The following DSCAM variants were observed in gnomAD, a reference collection of about 807,000 sequenced individuals.
DSCAM encodes DS cell adhesion molecule.
A neutral mutation model predicts 217.7 loss-of-function variants in DSCAM; 47 were observed. The ratio of observed to expected loss-of-function variants is 0.22; its 90% CI spans 0.17 to 0.28. The LOEUF (loss-of-function observed/expected upper bound fraction) is 0.28. Ranked by LOEUF, DSCAM falls within the 10% of genes least tolerant of loss-of-function variation. The probability of loss-of-function intolerance (pLI) is 1.00; values close to 1 mark genes in which losing one functional copy is unlikely to be tolerated. For missense variants in DSCAM, 2,080 were observed against 2,618.3 expected, an observed-to-expected ratio of 0.79 and a Z score of 4.49; for synonymous variants, 1,056 against 1,015.3, an observed-to-expected ratio of 1.04 and a Z score of -0.76.
intron 27 of DSCAM, among the ~76,000 whole-genome samples, chr21:40,071,051 C>T (rs1391850551): frequency 4.6e-5 from 7 of 152,216 alleles, no homozygotes; most frequent in Non-Finnish European, 8.8e-5. Context: ...CCAACAGAAG[C>T]TTGTGCCTTC....
intron 11 of DSCAM, among the ~76,000 whole-genome samples, chr21:40,269,001 T>C (rs2073578598): frequency 1.3e-5 from 2 of 152,116 alleles, no homozygotes; most frequent in Admixed American, 1.3e-4. Context: ...CAAATCCCTA[T>C]AGCTTCTCAA....
intron 1 of DSCAM, among the ~76,000 whole-genome samples, chr21:40,752,952 G>C (rs1310925714): frequency 1.3e-5 from 2 of 152,196 alleles, no homozygotes; most frequent in Non-Finnish European, 2.9e-5. Flanking sequence ...GTGAAGCAAT[G>C]GGAGAAAATA....
intron 17 of DSCAM, among the ~76,000 whole-genome samples, chr21:40,143,718 GA>G (rs1471224171): frequency 1.3e-5 from 2 of 152,190 alleles, no homozygotes; most frequent in Admixed American, 1.3e-4. Flanking sequence ...GTGAACCCGG[GA>G]GGCGGAGCTT....
At chr21:40,724,032 T>C (rs1054383808) in intron 1 of DSCAM, among the ~76,000 whole-genome samples, 3 of 152,198 alleles carry the variant, frequency 2.0e-5, no homozygotes, top group African/African-American at 7.2e-5. Flanking sequence ...GTATAGGGAA[T>C]TCATTTTAGA....
At chr21:40,236,519 T>C (rs1042276769) in intron 11 of DSCAM, among the ~76,000 whole-genome samples, 5 of 152,076 alleles carry the variant, frequency 3.3e-5, no homozygotes, top group African/African-American at 9.7e-5. Context: ...TCTCAGGTGC[T>C]GTAGTCAAAG....
At chr21:40,658,637 T>C (rs116161886) in intron 3 of DSCAM, among the ~76,000 whole-genome samples, 202 of 152,168 alleles carry the variant, frequency 1.3e-3, no homozygotes, top group African/African-American at 4.8e-3. Flanking sequence ...GTCTGAAACA[T>C]GAACAAGAAG....
intron 9 of DSCAM, among the ~76,000 whole-genome samples, chr21:40,310,495 A>G (rs577316352): frequency 6.6e-6 from 1 of 152,264 alleles, no homozygotes; most frequent in Non-Finnish European, 1.5e-5. Context: ...ATATTTGAAG[A>G]ACAATCACAT....
At chr21:40,417,647 A>C (rs1308907115) in intron 3 of DSCAM, among the ~76,000 whole-genome samples, 1 of 152,198 alleles carries the variant, frequency 6.6e-6, no homozygotes, top group Non-Finnish European at 1.5e-5. Flanking sequence ...ATTTAGCTAT[A>C]ATAACCACCC....
intron 11 of DSCAM, among the ~76,000 whole-genome samples, chr21:40,251,374 G>A (rs764565872): frequency 5.5e-4 from 83 of 152,250 alleles, no homozygotes; most frequent in Non-Finnish European, 9.1e-4. Context: ...TAGGCCACAA[G>A]GAGATTTATC....
intron 3 of DSCAM, among the ~76,000 whole-genome samples, chr21:40,496,736 A>G (rs1395381738): frequency 1.3e-5 from 2 of 152,140 alleles, no homozygotes; most frequent in Non-Finnish European, 2.9e-5. Context: ...TTTTCAAGCC[A>G]TATGTCTGAT....
intron 1 of DSCAM, among the ~76,000 whole-genome samples, chr21:40,751,528 CA>C (rs2091228875): frequency 6.6e-6 from 1 of 152,016 alleles, no homozygotes; most frequent in Non-Finnish European, 1.5e-5. Context: ...ATGTGGAGAA[CA>C]AAGCTAGTCC....
chr21:40,323,122 G>A (rs1340492101), intron 8 of DSCAM, among the ~76,000 whole-genome samples: 1 of 152,134 alleles, frequency 6.6e-6, no homozygotes, highest in African/African-American at 2.4e-5. Flanking sequence ...CTGAAGGACT[G>A]TTCTTGCTCC....
At chr21:40,622,268 C>A (rs939999404) in intron 3 of DSCAM, among the ~76,000 whole-genome samples, 1 of 113,834 alleles carries the variant, frequency 8.8e-6, no homozygotes. Flanking sequence ...GAGTGTCCGC[C>A]CCACTGTTGG....
At chr21:40,361,395 G>A (rs1309774359) in intron 4 of DSCAM, among the ~76,000 whole-genome samples, 1 of 152,056 alleles carries the variant, frequency 6.6e-6, no homozygotes, top group African/African-American at 2.4e-5. Context: ...CCGAGGCAGG[G>A]GGATCACAAG....
chr21:40,840,359 A>T (rs1179319708), intron 1 of DSCAM, among the ~76,000 whole-genome samples: 1 of 152,176 alleles, frequency 6.6e-6, no homozygotes, highest in Non-Finnish European at 1.5e-5. Flanking sequence ...GAAGAAATGA[A>T]TTCCCAAGAG....
At chr21:40,169,079 A>T (rs1277741792) in intron 15 of DSCAM, among the ~76,000 whole-genome samples, 2 of 152,180 alleles carry the variant, frequency 1.3e-5, no homozygotes, top group Non-Finnish European at 2.9e-5. Flanking sequence ...ACTTGAAGGA[A>T]TAATGAATGT....
chr21:40,824,036 G>C (rs553443351), intron 1 of DSCAM, among the ~76,000 whole-genome samples: 1 of 152,080 alleles, frequency 6.6e-6, no homozygotes, highest in Non-Finnish European at 1.5e-5. Flanking sequence ...TTAGTTTAAC[G>C]GTAAACTCAC....
chr21:40,232,896 C>A, intron 11 of DSCAM, among the ~76,000 whole-genome samples: 1 of 151,110 alleles, frequency 6.6e-6, no homozygotes, highest in Non-Finnish European at 1.5e-5. Flanking sequence ...ATTAAGATGC[C>A]CAGAACAGTT....
chr21:40,750,697 T>C (rs931317810), intron 1 of DSCAM, among the ~76,000 whole-genome samples: 26 of 151,910 alleles, frequency 1.7e-4, no homozygotes, highest in African/African-American at 6.0e-4. Flanking sequence ...TTCTTTTTAC[T>C]GAGCCCCTGA....
Sources: allele counts gnomAD v4.1 joint callset (sites outside exome capture counted in the v4.1 genomes callset), GRCh38; gene constraint gnomAD v4.1.1; transcripts MANE v1.5; gene names NCBI Gene and HGNC (gene_info 2026-07-23, HGNC 2026-07-21).